Variants in DOK5 observed in about 807,000 individuals in gnomAD.
DOK5 encodes the protein downstream of tyrosine kinase 5.
Under a neutral mutation model 43.3 loss-of-function variants are expected in DOK5, and 27 were observed. The ratio of observed to expected loss-of-function variants is 0.62; its 90% CI spans 0.46 to 0.86. The LOEUF is 0.86. DOK5 is among the 40% of genes least tolerant of loss of function. The probability of loss-of-function intolerance (pLI) is 0.00; values close to 1 mark genes in which losing one functional copy is unlikely to be tolerated. For synonymous variants in DOK5, 146 were observed against 140.1 expected, an observed-to-expected ratio of 1.04 and a Z score of -0.30; for missense variants, 373 against 392.9, an observed-to-expected ratio of 0.95 and a Z score of 0.43.
At chr20:54,504,278 A>C (rs1193967082) in intron 1 of DOK5, among the ~76,000 whole-genome samples, 1 of 152,236 alleles carries the variant, frequency 6.6e-6, no homozygotes, top group Non-Finnish European at 1.5e-5. Flanking sequence ...GTGCAAGGAA[A>C]GCAATTCTTT....
chr20:54,549,319 C>G (rs778246822), intron 1 of DOK5, among the ~76,000 whole-genome samples: 1 of 152,168 alleles, frequency 6.6e-6, no homozygotes, highest in Non-Finnish European at 1.5e-5. Context: ...CAGTGAGAAT[C>G]ACTGAGGTAT....
chr20:54,605,010 AAAATAT>A (rs1310844668), intron 5 of DOK5, among the ~76,000 whole-genome samples: 2,718 of 141,630 alleles, frequency 0.019, 118 homozygotes, highest in African/African-American at 0.074. Flanking sequence ...TCAAAAAAAA[AAAATAT>A]ATATATATAC....
chr20:54,636,005 G>C (rs367665392), intron 6 of DOK5, among the ~76,000 whole-genome samples: 2 of 152,218 alleles, frequency 1.3e-5, no homozygotes, highest in African/African-American at 4.8e-5. Context: ...AGGCCTTCCT[G>C]TTGTGTCATA....
At chr20:54,592,311 G>C (rs1223744534) in intron 5 of DOK5, among the ~76,000 whole-genome samples, 1 of 152,134 alleles carries the variant, frequency 6.6e-6, no homozygotes. Flanking sequence ...TACTGAAAGA[G>C]ATTAATGCTA....
At chr20:54,532,375 GAGA>G (rs1296571099) in intron 1 of DOK5, among the ~76,000 whole-genome samples, 6 of 152,192 alleles carry the variant, frequency 3.9e-5, no homozygotes, top group Non-Finnish European at 7.3e-5. Context: ...TGTGTTTATA[GAGA>G]AGAAGGCATT....
chr20:54,545,967 A>G (rs1687683906), intron 1 of DOK5, among the ~76,000 whole-genome samples: 1 of 152,226 alleles, frequency 6.6e-6, no homozygotes, highest in African/African-American at 2.4e-5. Context: ...TAAACTTCTT[A>G]CAGATGGATC....
chr20:54,602,363 T>C (rs979351728), intron 5 of DOK5, among the ~76,000 whole-genome samples: 2 of 152,148 alleles, frequency 1.3e-5, no homozygotes, highest in Non-Finnish European at 2.9e-5. Flanking sequence ...TGAGACTTCT[T>C]ATCTTCCAGA....
intron 7 of DOK5, among the ~76,000 whole-genome samples, chr20:54,645,022 T>TC (rs1484136519): frequency 8.9e-6 from 1 of 112,014 alleles, no homozygotes; most frequent in African/African-American, 5.3e-5. Context: ...TTTTTTTTTT[T>TC]TTTGAGACAG....
At chr20:54,510,606 A>T (rs558357300) in intron 1 of DOK5, among the ~76,000 whole-genome samples, 1 of 152,172 alleles carries the variant, frequency 6.6e-6, no homozygotes, top group Non-Finnish European at 1.5e-5. Flanking sequence ...TAAATTCAAC[A>T]TAGGATCCCA....
chr20:54,591,936 T>C (rs1985989912), intron 5 of DOK5, 131 bp downstream of exon 5: 15 of 725,310 alleles, frequency 2.1e-5, no homozygotes, highest in South Asian at 2.0e-4. Context: ...AGGAAATTCA[T>C]AGAGTTGCGA....
intron 1 of DOK5, among the ~76,000 whole-genome samples, chr20:54,484,636 C>T (rs1486013909): frequency 6.6e-6 from 1 of 152,216 alleles, no homozygotes; most frequent in Non-Finnish European, 1.5e-5. Flanking sequence ...ATAGCTGCCC[C>T]TCCTGCCCCT....
chr20:54,597,190 T>C (rs1986168031), intron 5 of DOK5, among the ~76,000 whole-genome samples: 1 of 152,230 alleles, frequency 6.6e-6, no homozygotes, highest in Admixed American at 6.5e-5. Flanking sequence ...TGACTGTAAT[T>C]GACATTTGCA....
intron 6 of DOK5, among the ~76,000 whole-genome samples, chr20:54,628,671 A>G (rs951969928): frequency 6.6e-6 from 1 of 152,112 alleles, no homozygotes; most frequent in Non-Finnish European, 1.5e-5. Context: ...AGCAATTAGT[A>G]TATTACGCAG....
intron 2 of DOK5, among the ~76,000 whole-genome samples, chr20:54,568,318 A>G (rs1985160705): frequency 1.3e-5 from 2 of 152,252 alleles, no homozygotes; most frequent in South Asian, 4.1e-4. Flanking sequence ...CCTCTAAGAT[A>G]CAATCTATCC....
chr20:54,553,574 C>T (rs1348676139), intron 1 of DOK5, among the ~76,000 whole-genome samples: 2 of 150,664 alleles, frequency 1.3e-5, no homozygotes, highest in Non-Finnish European at 3.0e-5. Context: ...GCCACTCAGA[C>T]ATTTGCCATC....
intron 1 of DOK5, among the ~76,000 whole-genome samples, chr20:54,492,712 G>A (rs567489237): frequency 2.0e-5 from 3 of 151,972 alleles, no homozygotes; most frequent in Admixed American, 1.3e-4. Flanking sequence ...GTGTGTGTGT[G>A]TGTGTGTGTG....
intron 1 of DOK5, among the ~76,000 whole-genome samples, chr20:54,482,888 G>A (rs1162204707): frequency 6.6e-6 from 1 of 152,216 alleles, no homozygotes; most frequent in Non-Finnish European, 1.5e-5. Context: ...GATATGTGAA[G>A]TTTAGTTACT....
chr20:54,594,854 G>A (rs1986088141), intron 5 of DOK5, among the ~76,000 whole-genome samples: 1 of 152,046 alleles, frequency 6.6e-6, no homozygotes, highest in Admixed American at 6.5e-5. Context: ...TACATATCCT[G>A]CAAACGTTTA....
Position 54,610,476 on chromosome 20 carries a change from A to G in DOK5, c.688A>G (p.Ile230Val), listed in dbSNP as rs548081031. The change falls in exon 6 of 8, where the codon ATA becomes GTA. Residue 230 changes from isoleucine to valine, a missense_variant. Physicochemically the swap from Ile to Val is conservative, Grantham distance 29. Coordinates refer to ENST00000262593, the MANE Select transcript of DOK5 (RefSeq NM_018431.5). The stretch of plus-strand genomic sequence containing the variant: ...GAAAGTCCACTCTGCTGCCTTGGCC[A>G]TAGCCGAGCAGCACGAGCGCTTGCT... ...YQKVHSAALAIAEQHERLLQS... is the reference protein window; with the variant it reads ...YQKVHSAALAVAEQHERLLQS... 2.2e-5 allele frequency: 35 copies of G among 1,578,650 alleles called. No individual in the cohort carries two copies. In the East Asian group the frequency reaches 7.6e-4, roughly 34 times the overall value.
Sources: gnomAD v4.1 joint callset for allele counts (sites outside exome capture counted in the v4.1 genomes callset) on GRCh38, gnomAD v4.1.1 for gene constraint, MANE v1.5 for transcripts, NCBI Gene and HGNC (gene_info 2026-07-23, HGNC 2026-07-21) for gene names.